Variants in RFC1 observed in about 807,000 individuals in gnomAD.
The protein encoded by RFC1 is replication factor C subunit 1.
In RFC1, 37 loss-of-function variants were observed where a neutral mutation model predicts 137.4. The ratio of observed to expected loss-of-function variants is 0.27; its 90% CI spans 0.21 to 0.35. RFC1 has a LOEUF of 0.35. Among genes scored for constraint, RFC1 ranks in the 10% least tolerant of loss-of-function variants. The pLI is 1.00. For missense variants in RFC1, 1,205 were observed against 1,358.5 expected (o/e 0.89, Z 1.78); for synonymous variants, 429 against 455.7 (o/e 0.94, Z 0.75).
In RFC1 at chr4:39,323,428, T is replaced by C; in HGVS notation, c.643-11A>G. ...CAACTGCCTCTCCAGCTGTAAAATG[T>C]GTCAGCAAAGTGAGTTGAGTTGCTC... On this transcript the variant is annotated splice_polypyrimidine_tract_variant and intron_variant, in intron 6 of 24. Coordinates refer to ENST00000349703, the MANE Select transcript of RFC1 (RefSeq NM_002913.5). The C allele has an allele frequency of 6.2e-7, 1 of 1,613,516 alleles. No individual in the cohort carries two copies. Among genetic ancestry groups the C allele is most frequent in the Non-Finnish European group, 8.5e-7 (1 of 1,179,460 alleles).
In RFC1 at chr4:39,326,582, T is replaced by A. The variant is rs1318842710; in HGVS notation, c.623A>T (p.Gln208Leu). The change falls in exon 6 of 25, where the codon CAG (glutamine) becomes CTG (leucine). Residue 208 changes from glutamine to leucine, a missense_variant. This residue lies in a region of RFC1 where 962 missense variants were observed against 1,035.3 expected (regional missense o/e 0.93). Transcript: ENST00000349703. ...LNDEAIAKQL[Q>L]LDEDAELERQ... The stretch of plus-strand genomic sequence containing the variant: ...CAATACCTCCGCATCTTCATCAAGC[T>A]GTAATTGCTTGGCGATGGCTTCATC... 1 of 1,613,098 alleles carries A rather than the reference T, an allele frequency of 6.2e-7. No individual in the cohort carries two copies. Among genetic ancestry groups the A allele is most frequent in the Admixed American group, 1.7e-5 (1 of 60,014 alleles).
chr4:39,336,007 C>T (rs917594009), intron 4 of RFC1, among the ~76,000 whole-genome samples: 2 of 152,194 alleles, frequency 1.3e-5, no homozygotes, highest in African/African-American at 4.8e-5. Flanking sequence ...GTCACCAGAA[C>T]AGTCTGTTCA....
intron 22 of RFC1, 43 bp downstream of exon 22, chr4:39,295,571 C>T (rs377400055): frequency 2.6e-6 from 4 of 1,541,886 alleles, no homozygotes; most frequent in South Asian, 1.2e-5. Flanking sequence ...AGGCCAAATA[C>T]ACCAAATCGA....
At chr4:39,328,138 A>C (rs987704780) in intron 4 of RFC1, among the ~76,000 whole-genome samples, 9 of 151,560 alleles carry the variant, frequency 5.9e-5, no homozygotes, top group Admixed American at 4.6e-4. Context: ...CAAAAACAAA[A>C]TAAACATCCA....
intron 22 of RFC1, among the ~76,000 whole-genome samples, chr4:39,295,317 A>G (rs962967106): frequency 6.6e-6 from 1 of 152,238 alleles, no homozygotes; most frequent in African/African-American, 2.4e-5. Context: ...AATAGGCATA[A>G]TAACAATAAC....
At chr4:39,328,233 T>C (rs907991862) in intron 4 of RFC1, among the ~76,000 whole-genome samples, 6 of 152,274 alleles carry the variant, frequency 3.9e-5, no homozygotes, top group African/African-American at 1.2e-4. Flanking sequence ...AGGCCTGTAA[T>C]ACGCTATATC....
chr4:39,296,750 T>C lies in RFC1; in HGVS notation c.2809-991A>G, dbSNP rs1230927718. Among the ~76,000 whole-genome samples the C allele has an allele frequency of 2.7e-5, 4 of 150,750 alleles. No homozygotes were observed. In the East Asian group the frequency reaches 7.9e-4, roughly 30 times the overall value. ...GTCTTTATAGCAGCATGATTTATAG[T>C]CATTTGGGTATATACCCAGTAATGG... On this transcript the variant is annotated intron_variant, in intron 21 of 24. Coordinates refer to ENST00000349703, the MANE Select transcript of RFC1 (RefSeq NM_002913.5).
chr4:39,331,237 T>G (rs1740087041), intron 4 of RFC1, among the ~76,000 whole-genome samples: 1 of 152,208 alleles, frequency 6.6e-6, no homozygotes, highest in South Asian at 2.1e-4. Context: ...TTGCTTTAAG[T>G]TCAACAATTG....
intron 15 of RFC1, among the ~76,000 whole-genome samples, chr4:39,304,595 T>G (rs1738537953): frequency 1.3e-5 from 2 of 152,204 alleles, no homozygotes; most frequent in South Asian, 2.1e-4. Flanking sequence ...AATATGTGCA[T>G]GTACACATTT....
chr4:39,323,246 GT>G (rs1377298442), intron 7 of RFC1, 93 bp downstream of exon 7: 8 of 785,754 alleles, frequency 1.0e-5, no homozygotes, highest in Non-Finnish European at 1.5e-5. Context: ...TTCTGGAAAA[GT>G]TATTCATGTT....
intron 4 of RFC1, among the ~76,000 whole-genome samples, chr4:39,338,771 G>A (rs1212180433): frequency 2.0e-5 from 3 of 152,046 alleles, no homozygotes; most frequent in Non-Finnish European, 4.4e-5. Flanking sequence ...TTTGTGGCAA[G>A]AGCAACTAAA....
chr4:39,295,183 T>C (rs560395193), intron 22 of RFC1, among the ~76,000 whole-genome samples: 1 of 152,342 alleles, frequency 6.6e-6, no homozygotes, highest in Admixed American at 6.5e-5. Flanking sequence ...TAAACTGTTA[T>C]TTCCTATCCC....
At position 39,320,364 on chromosome 4, in the gene RFC1, AAAAAAAC is replaced by A; in HGVS notation, c.1095+12_1095+18del. The stretch of plus-strand genomic sequence containing the variant: ...AACTCCATCTCAAAAAAAAAAAAAA[AAAAAAAC>A]AAAGTTCTTACCTCTTTTTTAGCTG... On this transcript the variant is annotated intron_variant, in intron 9 of 24. Transcript: ENST00000349703. The A allele has an allele frequency of 1.3e-6, 2 of 1,484,126 alleles. No individual in the cohort carries two copies. Among genetic ancestry groups the A allele is most frequent in the Non-Finnish European group, 8.9e-7 (1 of 1,120,378 alleles). 91.9% of individuals were successfully genotyped at this position (1,484,126 alleles called of 1,614,324 possible).
Position 39,306,596 on chromosome 4 carries a change from C to T in RFC1, c.1991G>A (p.Cys664Tyr), listed in dbSNP as rs747174315. 5 of 1,580,016 alleles carry T rather than the reference C, an allele frequency of 3.2e-6. No individual in the cohort carries two copies. Among genetic ancestry groups the T allele is most frequent in the Non-Finnish European group, 3.5e-6 (4 of 1,148,934 alleles). Residue 664 changes from cysteine (C) to tyrosine (Y), a missense_variant, in exon 14 of 25, where the codon TGT becomes TAT. Physicochemically the swap from Cys to Tyr is radical, Grantham distance 194 (BLOSUM62 -2). Around this residue, in one of 3 missense-constraint regions of RFC1, gnomAD observed 962 missense variants for 1,035.3 expected, o/e 0.93. Transcript: ENST00000349703. Reference protein sequence around the residue: ...VGKTTTASLVCQELGYSYVEL... With the variant: ...VGKTTTASLVYQELGYSYVEL... ...ACACTGTGACAACGCACCCACCTGA[C>T]ACACCAGGGAAGCTGTGGTGGTTTT...
intron 12 of RFC1, among the ~76,000 whole-genome samples, chr4:39,310,540 T>G (rs1428489059): frequency 6.6e-6 from 1 of 152,094 alleles, no homozygotes; most frequent in Non-Finnish European, 1.5e-5. Context: ...CTGTGTCCTG[T>G]GTGTAAAAAA....
rs781648630 is a variant in RFC1 at position 39,288,691 on chromosome 4, G to A, written c.*70C>T. The A allele has an allele frequency of 5.2e-6, 5 of 969,214 alleles. No homozygotes were observed. The highest frequency in any genetic ancestry group is 6.5e-6 in the Non-Finnish European group (4 of 615,226). 60.0% of individuals were successfully genotyped at this position (969,214 alleles called of 1,614,324 possible). A position where few individuals can be genotyped will look rare whatever the true frequency, so the allele number is the denominator to read the frequency against. On this transcript the variant is annotated 3_prime_UTR_variant, in exon 25 of 25. Transcript: ENST00000349703. The stretch of plus-strand genomic sequence containing the variant: ...CATGGTTGCTCTGGGAAAAAACAAG[G>A]CTTTCTCTAGACCAGCTGGACTGGT...
Position 39,327,726 on chromosome 4 carries a change from G to T in RFC1, c.362C>A (p.Ala121Glu). The change falls in exon 5 of 25, where the codon GCG becomes GAG. Residue 121 changes from alanine (A) to glutamate (E), a missense_variant. This residue lies in a region of RFC1 where 962 missense variants were observed against 1,035.3 expected (regional missense o/e 0.93). Transcript: ENST00000349703. ...DEEDDFMCKK[A>E]ASKSKENGRS... ...TCCATTCTCTTTTGATTTAGAGGCC[G>T]CCTTCTTACACATAAAGTCATCTTC... The T allele has an allele frequency of 6.2e-7, 1 of 1,608,838 alleles. No homozygotes were observed. Among genetic ancestry groups the T allele is most frequent in the South Asian group, 1.1e-5 (1 of 89,962 alleles).
Position 39,300,136 on chromosome 4 carries a change from C to A in RFC1, c.2693G>T (p.Gly898Val), listed in dbSNP as rs765004911. 1.9e-6 allele frequency: 3 copies of A among 1,613,592 alleles called. No individual in the cohort carries two copies. In the South Asian group the frequency reaches 3.3e-5, roughly 18 times the overall value. Residue 898 changes from glycine (G) to valine (V), a missense_variant and splice_region_variant, in exon 21 of 25, where the codon GGT becomes GTT. This residue lies in a region of RFC1 where 237 missense variants were observed against 304.2 expected (regional missense o/e 0.78). Transcript: ENST00000349703. ...YIHVKPVAAG[G>V]DMKKHLMLLS... ...AAGCATCAGGTGCTTTTTCATGTCACCCCTGCAGGAAAGAACCAGTCTGGA... is the reference window on the plus strand; with the variant it reads ...AAGCATCAGGTGCTTTTTCATGTCAACCCTGCAGGAAAGAACCAGTCTGGA...
At chr4:39,315,829 TG>T (rs1211364505) in intron 10 of RFC1, among the ~76,000 whole-genome samples, 1 of 152,212 alleles carries the variant, frequency 6.6e-6, no homozygotes, top group Non-Finnish European at 1.5e-5. Flanking sequence ...CCATCTCTCC[TG>T]ATGATCTCTG....
Sources: gnomAD v4.1 joint callset for allele counts (sites outside exome capture counted in the v4.1 genomes callset) on GRCh38, gnomAD v4.1.1 for gene constraint, gnomAD v4.1.1 regional missense constraint, MANE v1.5 for transcripts, NCBI Gene and HGNC (gene_info 2026-07-23, HGNC 2026-07-21) for gene names.